Variants in QKI observed in about 807,000 individuals in gnomAD.
QKI encodes the protein QKI, KH domain containing RNA binding.
A neutral mutation model predicts 39.0 loss-of-function variants in QKI; 10 were observed. That is an observed-to-expected ratio of 0.26 (90% CI 0.16 to 0.43). The LOEUF is 0.43. Among genes scored for constraint, QKI ranks in the 20% least tolerant of loss-of-function variants. The probability of loss-of-function intolerance (pLI) is 1.00; values close to 1 mark genes in which losing one functional copy is unlikely to be tolerated. For missense variants in QKI, 218 were observed against 428.0 expected (o/e 0.51, Z 4.33); for synonymous variants, 204 against 155.4 (o/e 1.31, Z -2.33).
chr6:163,562,276 A>G (rs1783079006), intron 5 of QKI, among the ~76,000 whole-genome samples: 1 of 152,228 alleles, frequency 6.6e-6, no homozygotes, highest in Admixed American at 6.5e-5. Context: ...CAGCATGTTG[A>G]AGTTTTAGGT....
intron 3 of QKI, among the ~76,000 whole-genome samples, chr6:163,491,365 G>A (rs1778042784): frequency 6.6e-6 from 1 of 152,106 alleles, no homozygotes; most frequent in Non-Finnish European, 1.5e-5. Flanking sequence ...ACTTCCGGCC[G>A]CACTGGTTTA....
At chr6:163,427,218 G>A (rs1364446141) in intron 1 of QKI, among the ~76,000 whole-genome samples, 1 of 109,774 alleles carries the variant, frequency 9.1e-6, no homozygotes, top group East Asian at 2.7e-4. Flanking sequence ...ATTTTTTAAC[G>A]TTACTGTTAA....
chr6:163,461,338 C>A (rs561563122), intron 2 of QKI, among the ~76,000 whole-genome samples: 3 of 152,088 alleles, frequency 2.0e-5, no homozygotes, highest in African/African-American at 4.8e-5. Context: ...ATTTTTCCAA[C>A]GTTTAACATT....
intron 4 of QKI, among the ~76,000 whole-genome samples, chr6:163,539,039 A>G (rs886066407): frequency 3.9e-5 from 6 of 152,224 alleles, no homozygotes; most frequent in African/African-American, 1.4e-4. Context: ...TTGTCATTAG[A>G]TCAAAAGCTT....
At chr6:163,550,276 G>T (rs1562534268) in intron 4 of QKI, among the ~76,000 whole-genome samples, 1 of 152,056 alleles carries the variant, frequency 6.6e-6, no homozygotes, top group African/African-American at 2.4e-5. Flanking sequence ...TAGTGTGTTC[G>T]CCCAGGTCTG....
At chr6:163,447,742 A>G (rs1790260746) in intron 1 of QKI, among the ~76,000 whole-genome samples, 1 of 152,174 alleles carries the variant, frequency 6.6e-6, no homozygotes, top group Non-Finnish European at 1.5e-5. Context: ...AAATAACTAG[A>G]TCGCTTTATT....
chr6:163,501,298 A>C (rs547671578), intron 3 of QKI, among the ~76,000 whole-genome samples: 94 of 151,098 alleles, frequency 6.2e-4, no homozygotes, highest in Admixed American at 1.3e-3. Flanking sequence ...AAAAAAAAAA[A>C]CCCAAAGCAT....
intron 1 of QKI, among the ~76,000 whole-genome samples, chr6:163,439,354 T>TTTTTG (rs201292493): frequency 7.5e-6 from 1 of 133,362 alleles, no homozygotes; most frequent in Non-Finnish European, 1.6e-5. Context: ...TTTTTTTTTT[T>TTTTTG]CGGGGGGGTG....
intron 2 of QKI, among the ~76,000 whole-genome samples, chr6:163,470,745 A>G (rs946308739): frequency 6.6e-6 from 1 of 152,208 alleles, no homozygotes; most frequent in African/African-American, 2.4e-5. Context: ...TTTACCTACT[A>G]TTAACAGGTG....
intron 3 of QKI, among the ~76,000 whole-genome samples, chr6:163,513,425 TCA>T (rs1420107010): frequency 2.0e-5 from 3 of 152,196 alleles, no homozygotes; most frequent in Non-Finnish European, 4.4e-5. Context: ...AACTTGCAGT[TCA>T]CAGAGTTTTT....
At chr6:163,505,301 C>G (rs989173987) in intron 3 of QKI, among the ~76,000 whole-genome samples, 1 of 152,180 alleles carries the variant, frequency 6.6e-6, no homozygotes, top group African/African-American at 2.4e-5. Context: ...CACAGAGTCC[C>G]CACTGGGTCA....
intron 7 of QKI, 96 bp from the exon 8 acceptor site, chr6:163,570,598 A>G: frequency 6.4e-7 from 1 of 1,566,602 alleles, no homozygotes; most frequent in Non-Finnish European, 8.6e-7. Context: ...TTAGTTTTTC[A>G]TGTTGTCATT....
At chr6:163,546,221 CAG>C (rs1700312469) in intron 4 of QKI, among the ~76,000 whole-genome samples, 1 of 151,566 alleles carries the variant, frequency 6.6e-6, no homozygotes, top group Non-Finnish European at 1.5e-5. Context: ...AGTGATTTCT[CAG>C]TGTATTTTCT....
chr6:163,515,911 G>T (rs924608666), intron 3 of QKI, among the ~76,000 whole-genome samples: 1 of 151,942 alleles, frequency 6.6e-6, no homozygotes, highest in Non-Finnish European at 1.5e-5. Flanking sequence ...TCTCAAATCG[G>T]TCACCTCTTT....
In QKI at chr6:163,568,736, G is replaced by A. The variant is rs1783524090; in HGVS notation, c.1009+1941G>A. The A allele has an allele frequency of 7.1e-6, 7 of 985,096 alleles. No homozygotes were observed. The South Asian group carries it at 2.3e-4, about 33-fold the overall frequency. 61.0% of individuals were successfully genotyped at this position (985,096 alleles called of 1,614,324 possible). A position where few individuals can be genotyped will look rare whatever the true frequency, so the allele number is the denominator to read the frequency against. On this transcript the variant is annotated intron_variant, in intron 7 of 7. Coordinates refer to ENST00000361752, the MANE Select transcript of QKI (RefSeq NM_006775.3). The stretch of plus-strand genomic sequence containing the variant: ...TATAACCATGTAATTCTATATGAAC[G>A]TTTAGAGTACTACATGGTTGACCAA...
At chr6:163,513,308 A>ATT (rs140373981) in intron 3 of QKI, among the ~76,000 whole-genome samples, 2,024 of 152,314 alleles carry the variant, frequency 0.013, 44 homozygotes, top group South Asian at 0.063. Flanking sequence ...TGTAAAACTG[A>ATT]TTAAGAAAAA....
intron 4 of QKI, among the ~76,000 whole-genome samples, chr6:163,561,238 G>C (rs112764245): frequency 0.1 from 15,842 of 152,102 alleles, 986 homozygotes; most frequent in East Asian, 0.25. Flanking sequence ...AAAATTATTT[G>C]TGTGCACATG....
At chr6:163,477,852 G>A (rs1009939413) in intron 2 of QKI, among the ~76,000 whole-genome samples, 3 of 152,140 alleles carry the variant, frequency 2.0e-5, no homozygotes, top group African/African-American at 4.8e-5. Context: ...TTTCTAGCAC[G>A]TTACTTTTAT....
intron 3 of QKI, among the ~76,000 whole-genome samples, chr6:163,516,307 T>G (rs1340528786): frequency 6.6e-6 from 1 of 152,126 alleles, no homozygotes; most frequent in Non-Finnish European, 1.5e-5. Flanking sequence ...ATTTATTTAT[T>G]TTTTTGAGAC....
Sources: gnomAD v4.1 joint callset for allele counts (sites outside exome capture counted in the v4.1 genomes callset) on GRCh38, gnomAD v4.1.1 for gene constraint, MANE v1.5 for transcripts, NCBI Gene and HGNC (gene_info 2026-07-23, HGNC 2026-07-21) for gene names.